LRTM1: variants seen among roughly 807,000 people sequenced by gnomAD.
LRTM1 encodes leucine-rich repeat and transmembrane domain-containing protein 1.
In LRTM1, 38 loss-of-function variants were observed where a neutral mutation model predicts 32.4. The observed-to-expected ratio is 1.17, with a 90% CI of 0.91 to 1.54. LRTM1 has a LOEUF of 1.54. Among genes scored for constraint, LRTM1 ranks in the 40% most tolerant of loss-of-function variants. The pLI is 0.00. For missense variants in LRTM1, 466 were observed against 415.4 expected (o/e 1.12, Z -1.06); for synonymous variants, 186 against 169.9 (o/e 1.09, Z -0.74).
rs541287647 is a variant in LRTM1, at chr3:54,945,216, A to G, written c.-221-20001T>C. 4.6e-5 allele frequency among the ~76,000 whole-genome samples: 7 copies of G among 152,254 alleles called. No individual in the cohort carries two copies. In the South Asian group the frequency reaches 8.3e-4, roughly 18 times the overall value. The stretch of plus-strand genomic sequence containing the variant: ...TGAACATTAGCAGTTTTTCAGGAAT[A>G]TATAAGTTGGTGTCTGTGGCATGTG... On this transcript the variant is annotated intron_variant, in intron 1 of 2. Transcript: ENST00000493075.
intron 1 of LRTM1, among the ~76,000 whole-genome samples, chr3:54,937,107 C>G (rs1261330090): frequency 6.6e-6 from 1 of 152,158 alleles, no homozygotes; most frequent in Non-Finnish European, 1.5e-5. Flanking sequence ...TTGGTGCTTT[C>G]CACTTCTGAA....
chr3:54,961,658 T>G (rs1318602079), intron 1 of LRTM1, among the ~76,000 whole-genome samples: 4 of 152,138 alleles, frequency 2.6e-5, no homozygotes, highest in Non-Finnish European at 5.9e-5. Context: ...GCAGGTGGCC[T>G]GATTGATGTG....
intron 1 of LRTM1, among the ~76,000 whole-genome samples, chr3:54,961,270 T>G (rs1293588358): frequency 6.6e-6 from 1 of 152,190 alleles, no homozygotes; most frequent in African/African-American, 2.4e-5. Flanking sequence ...AACCAAGCCA[T>G]GTAAAAATAC....
rs79631806 is a variant in LRTM1, at chr3:54,926,767, C to T, written c.7+1138G>A. Among the ~76,000 whole-genome samples, 281 of 152,176 alleles carry T rather than the reference C, an allele frequency of 1.8e-3. 1 individual carries two copies. The highest frequency in any genetic ancestry group is 6.2e-3 in the African/African-American group (258 of 41,518). ...CCCACTCTTATGAGGGGTAGTTGAA[C>T]GGTTGCAGTTTTTTTCTTCATTCTA... On this transcript the variant is annotated intron_variant, in intron 1 of 2. Coordinates refer to ENST00000273286, the MANE Select transcript of LRTM1 (RefSeq NM_020678.4).
At chr3:54,921,285 G>C (rs1700842043) in intron 2 of LRTM1, among the ~76,000 whole-genome samples, 1 of 152,114 alleles carries the variant, frequency 6.6e-6, no homozygotes, top group South Asian at 2.1e-4. Flanking sequence ...TTGTGCCTCT[G>C]CTTGCTCATC....
intron 1 of LRTM1, among the ~76,000 whole-genome samples, chr3:54,933,891 C>T (rs1258461278): frequency 1.3e-5 from 2 of 151,946 alleles, no homozygotes; most frequent in African/African-American, 4.8e-5. Flanking sequence ...GCCTCAGCCT[C>T]CGGAGTAGCT....
At chr3:54,965,563 G>T (rs891144705) in intron 1 of LRTM1, among the ~76,000 whole-genome samples, 1 of 152,200 alleles carries the variant, frequency 6.6e-6, no homozygotes, top group Non-Finnish European at 1.5e-5. Flanking sequence ...TCAACTGGAC[G>T]TGGAGGGAGC....
chr3:54,958,885 C>T (rs2107039760), intron 1 of LRTM1, among the ~76,000 whole-genome samples: 1 of 152,238 alleles, frequency 6.6e-6, no homozygotes, highest in South Asian at 2.1e-4. Context: ...AGGAGGATTG[C>T]TTGAACCCAG....
intron 1 of LRTM1, among the ~76,000 whole-genome samples, chr3:54,956,489 C>G (rs187606760): frequency 9.2e-5 from 14 of 152,306 alleles, no homozygotes; most frequent in Admixed American, 8.5e-4. Flanking sequence ...GCATGGGCCA[C>G]ATGGTCTTAA....
chr3:54,957,272 A>G (rs995711779), intron 1 of LRTM1, among the ~76,000 whole-genome samples: 5 of 151,668 alleles, frequency 3.3e-5, no homozygotes, highest in Non-Finnish European at 7.4e-5. Flanking sequence ...TGATCTTCCT[A>G]CGGAACTTAG....
chr3:54,948,261 G>C (rs945311993), intron 1 of LRTM1, among the ~76,000 whole-genome samples: 1 of 152,196 alleles, frequency 6.6e-6, no homozygotes. Context: ...GTCCATTCCA[G>C]GTGACCTCTT....
chr3:54,918,757 G>T lies in LRTM1; in HGVS notation c.740C>A (p.Pro247His). The change falls in exon 3 of 3, where the codon CCC becomes CAC. Residue 247 changes from proline to histidine, a missense_variant. Transcript: ENST00000273286. The part of the protein sequence containing the change: ...PDPVSSQAQW[P>H]GSAHGVVLRP... ...CAGGACCACACCGTGGGCAGAGCCG[G>T]GCCACTGAGCCTGCGAGGACACTGG... 1 of 1,614,150 alleles carries T rather than the reference G, an allele frequency of 6.2e-7. No homozygotes were observed. Among genetic ancestry groups the T allele is most frequent in the Non-Finnish European group, 8.5e-7 (1 of 1,180,016 alleles).
chr3:54,938,236 G>A (rs764543932), intron 1 of LRTM1, among the ~76,000 whole-genome samples: 1 of 152,226 alleles, frequency 6.6e-6, no homozygotes, highest in African/African-American at 2.4e-5. Flanking sequence ...TGGATGGGAC[G>A]TAACATTTCC....
rs754986753 is a variant in LRTM1, at chr3:54,924,715, G to A, written c.508C>T (p.Pro170Ser). The A allele has an allele frequency of 6.2e-7, 1 of 1,614,108 alleles. No individual in the cohort carries two copies. The highest frequency in any genetic ancestry group is 8.5e-7 in the Non-Finnish European group (1 of 1,180,020). ...TTGAGAAGTAAAAGCCTCACACTGG[G>A]CATGGATTCCAGGAGCGCTCGATCA... ...QLDRALLESM[P>S]SVRLLLLKDN... The change falls in exon 2 of 3, where the codon CCC becomes TCC. Residue 170 changes from proline (P) to serine (S), a missense_variant. Physicochemically the swap from Pro to Ser is moderately conservative, Grantham distance 74. Transcript: ENST00000273286.
At chr3:54,947,798 A>G (rs1021949497) in intron 1 of LRTM1, among the ~76,000 whole-genome samples, 2 of 152,176 alleles carry the variant, frequency 1.3e-5, no homozygotes, top group South Asian at 2.1e-4. Flanking sequence ...TTTTATAATC[A>G]TTGCAATGTT....
chr3:54,928,374 G>T (rs929129735), upstream of LRTM1, among the ~76,000 whole-genome samples: 1 of 152,138 alleles, frequency 6.6e-6, no homozygotes, highest in Admixed American at 6.5e-5. Flanking sequence ...TCTGAATTCT[G>T]TTGACTTATT....
chr3:54,956,058 T>C (rs1701884098), intron 1 of LRTM1, among the ~76,000 whole-genome samples: 2 of 152,192 alleles, frequency 1.3e-5, no homozygotes, highest in Admixed American at 1.3e-4. Flanking sequence ...TCCTTAATGT[T>C]TCCCTGTCTC....
intron 2 of LRTM1, among the ~76,000 whole-genome samples, chr3:54,921,458 T>C (rs12496572): frequency 0.43 from 65,795 of 151,936 alleles, 15,522 homozygotes; most frequent in East Asian, 0.75. Flanking sequence ...GAAATATTAA[T>C]CATACAATCT....
chr3:54,934,867 G>T (rs576239616), intron 1 of LRTM1, among the ~76,000 whole-genome samples: 1 of 152,108 alleles, frequency 6.6e-6, no homozygotes, highest in Admixed American at 6.5e-5. Flanking sequence ...GAGTAGCTGG[G>T]ATTACAGGCA....
Sources: allele counts gnomAD v4.1 joint callset (sites outside exome capture counted in the v4.1 genomes callset), GRCh38; gene constraint gnomAD v4.1.1; transcripts MANE v1.5; gene names NCBI Gene and HGNC (gene_info 2026-07-23, HGNC 2026-07-21).